Variants in USP15 observed in about 807,000 individuals in gnomAD.
USP15 encodes ubiquitin specific peptidase 15.
In USP15, 18 loss-of-function variants were observed where a neutral mutation model predicts 127.1. The observed-to-expected ratio is 0.14, with a 90% CI of 0.10 to 0.21. The LOEUF (loss-of-function observed/expected upper bound fraction) is 0.21, where lower values mean the gene tolerates loss of function less well. Among genes scored for constraint, USP15 ranks in the 10% least tolerant of loss-of-function variants. The pLI is 1.00. For missense variants in USP15, 805 were observed against 1,159.9 expected, an observed-to-expected ratio of 0.69 and a Z score of 4.44; for synonymous variants, 364 against 393.7, an observed-to-expected ratio of 0.92 and a Z score of 0.89.
At chr12:62,371,528 G>GATAGGGTA (rs2066667493) in intron 8 of USP15, among the ~76,000 whole-genome samples, 1 of 152,170 alleles carries the variant, frequency 6.6e-6, no homozygotes, top group African/African-American at 2.4e-5. Context: ...ATAGCAATTT[G>GATAGGGTA]ATAGGGTAAT....
chr12:62,403,705 T>A (rs1165212919), intron 21 of USP15, among the ~76,000 whole-genome samples: 1 of 151,974 alleles, frequency 6.6e-6, no homozygotes, highest in Admixed American at 6.6e-5. Context: ...AGGTATTTTT[T>A]AATGCCAAAG....
At chr12:62,273,489 C>T (rs891485625) in intron 1 of USP15, among the ~76,000 whole-genome samples, 1 of 152,140 alleles carries the variant, frequency 6.6e-6, no homozygotes, top group Non-Finnish European at 1.5e-5. Context: ...TGCTGAGTAA[C>T]TTTTCTAAGA....
chr12:62,383,150 T>C (rs890964832), intron 9 of USP15, among the ~76,000 whole-genome samples: 3 of 151,920 alleles, frequency 2.0e-5, no homozygotes, highest in Non-Finnish European at 4.4e-5. Context: ...ACAATTTTTA[T>C]TATTCACAGG....
At chr12:62,295,979 C>G (rs975263016) in intron 2 of USP15, among the ~76,000 whole-genome samples, 1 of 151,500 alleles carries the variant, frequency 6.6e-6, no homozygotes, top group African/African-American at 2.4e-5. Context: ...CACACATACC[C>G]TTTAAAAACA....
chr12:62,276,773 T>A (rs888045643), intron 1 of USP15, among the ~76,000 whole-genome samples: 1 of 152,032 alleles, frequency 6.6e-6, no homozygotes, highest in South Asian at 2.1e-4. Context: ...TTAATTAAAA[T>A]CTAATGCAAA....
chr12:62,362,278 G>A lies in USP15; in HGVS notation c.915+6803G>A, dbSNP rs2066342707. Reference sequence around the variant, plus strand: ...CAATTTGCCAGTTTAACCATTTTAAGTGTATAGTAACATTAAGTATATTCA... The same window carrying A: ...CAATTTGCCAGTTTAACCATTTTAAATGTATAGTAACATTAAGTATATTCA... On this transcript the variant is annotated intron_variant, in intron 8 of 21. Transcript: ENST00000280377. 2.6e-5 allele frequency among the ~76,000 whole-genome samples: 4 copies of A among 152,074 alleles called. No homozygotes were observed. The South Asian group carries it at 8.3e-4, about 31-fold the overall frequency.
intron 19 of USP15, 109 bp downstream of exon 19, chr12:62,393,311 T>G: frequency 7.6e-7 from 1 of 1,317,758 alleles, no homozygotes; most frequent in Non-Finnish European, 1.0e-6. Flanking sequence ...GGACCCAATT[T>G]CAGCTTTCAA....
At position 62,401,149 on chromosome 12, in the gene USP15, G is replaced by A. The variant is rs567077492; in HGVS notation, c.2675-38G>A. On this transcript the variant is annotated intron_variant, in intron 20 of 21. Coordinates refer to ENST00000280377, the MANE Select transcript of USP15 (RefSeq NM_001252078.2). ...TTTTGAGGAGTCCCCAGAAAACCAAGATCATTTTCGTCACAGTGATTATAT... is the reference window on the plus strand; with the variant it reads ...TTTTGAGGAGTCCCCAGAAAACCAAAATCATTTTCGTCACAGTGATTATAT... The A allele has an allele frequency of 1.7e-4, 248 of 1,499,646 alleles. 1 individual carries two copies. In the South Asian group the frequency reaches 2.7e-3, roughly 16 times the overall value. The allele number at this position is 1,499,646 out of a possible 1,614,324, so 92.9% of individuals were successfully genotyped here. A position where few individuals can be genotyped will look rare whatever the true frequency, so the allele number is the denominator to read the frequency against.
intron 6 of USP15, among the ~76,000 whole-genome samples, chr12:62,334,518 A>G (rs1056593808): frequency 1.3e-5 from 2 of 152,214 alleles, no homozygotes; most frequent in Non-Finnish European, 2.9e-5. Context: ...GGAAGCATAC[A>G]GTAAATGCTG....
At position 62,349,211 on chromosome 12, in the gene USP15, AT is replaced by A; in HGVS notation, c.684-5del. ...TTTTTATCTAATTTAACATTTTCAT[AT>A]TTTTAAAGGTCCCCAGGTGCATCCA... On this transcript the variant is annotated splice_polypyrimidine_tract_variant and intron_variant, in intron 6 of 21. Coordinates refer to ENST00000280377, the MANE Select transcript of USP15 (RefSeq NM_001252078.2). The A allele has an allele frequency of 7.0e-7, 1 of 1,424,646 alleles. No homozygotes were observed. The highest frequency in any genetic ancestry group is 9.2e-7 in the Non-Finnish European group (1 of 1,084,828). The allele number at this position is 1,424,646 out of a possible 1,614,324, so 88.3% of individuals were successfully genotyped here. A position where few individuals can be genotyped will look rare whatever the true frequency, so the allele number is the denominator to read the frequency against.
chr12:62,408,497 T>C lies in USP15; in HGVS notation c.*4122T>C, dbSNP rs2067947549. ...GAGAAGGAAAGGAAGAGCTCCTTTC[T>C]AGGGCCATAGAATAAGAGTAGAAGT... On this transcript the variant is annotated 3_prime_UTR_variant, in exon 22 of 22. Coordinates refer to ENST00000280377, the MANE Select transcript of USP15 (RefSeq NM_001252078.2). 1.3e-5 allele frequency: 2 copies of C among 152,156 alleles called. No homozygotes were observed. Among genetic ancestry groups the C allele is most frequent in the African/African-American group, 2.4e-5 (1 of 41,436 alleles). The allele number at this position is 152,156 out of a possible 1,614,324, so 9.4% of individuals were successfully genotyped here.
At chr12:62,279,061 T>C (rs930018965) in intron 1 of USP15, 3 of 152,186 alleles carry the variant, frequency 2.0e-5, no homozygotes, top group African/African-American at 7.2e-5. Context: ...TTCTGTACAA[T>C]ATAATATTGT....
At chr12:62,340,426 C>T (rs554082378) in intron 6 of USP15, among the ~76,000 whole-genome samples, 6 of 151,970 alleles carry the variant, frequency 3.9e-5, no homozygotes, top group Non-Finnish European at 7.4e-5. Context: ...TTGTCTTCTG[C>T]TAGCTTTTGA....
intron 6 of USP15, chr12:62,336,158 G>A (rs2065456403): frequency 9.1e-6 from 9 of 985,178 alleles, no homozygotes; most frequent in Non-Finnish European, 1.1e-5. Context: ...TACCATAGTA[G>A]GTGTTCAAAA....
chr12:62,350,740 T>G lies in USP15; in HGVS notation c.770+1433T>G, dbSNP rs763275583. ...CCCAGGCTCAAGTGATCCTCCCACC[T>G]TAGCCTCTTGAGTACTTGGATTACA... On this transcript the variant is annotated intron_variant, in intron 7 of 21. Coordinates refer to ENST00000280377, the MANE Select transcript of USP15 (RefSeq NM_001252078.2). 5.9e-4 allele frequency among the ~76,000 whole-genome samples: 90 copies of G among 152,090 alleles called. 1 individual carries two copies. The highest frequency in any genetic ancestry group is 1.1e-3 in the Non-Finnish European group (74 of 67,992).
chr12:62,287,224 T>G (rs906978947), intron 1 of USP15, among the ~76,000 whole-genome samples: 2 of 152,024 alleles, frequency 1.3e-5, no homozygotes, highest in Non-Finnish European at 1.5e-5. Context: ...GGTACCGTAT[T>G]TGCTACTGGG....
At chr12:62,288,243 C>G (rs967147803) in intron 1 of USP15, among the ~76,000 whole-genome samples, 4 of 151,800 alleles carry the variant, frequency 2.6e-5, no homozygotes, top group African/African-American at 7.3e-5. Flanking sequence ...GGATGTTGTT[C>G]CACTTATTTG....
chr12:62,393,083 A>G lies in USP15; in HGVS notation c.2451A>G (p.Gln817=). 1.9e-6 allele frequency: 3 copies of G among 1,613,816 alleles called. No individual in the cohort carries two copies. Among genetic ancestry groups the G allele is most frequent in the Non-Finnish European group, 2.5e-6 (3 of 1,179,852 alleles). Residue 817 remains glutamine, a synonymous_variant, in exon 19 of 22, where the codon CAA becomes CAG. Coordinates refer to ENST00000280377, the MANE Select transcript of USP15 (RefSeq NM_001252078.2). The stretch of plus-strand genomic sequence containing the variant: ...GTCCGAATTGTAAAGAACATCAGCA[A>G]GCCACAAAGAAATTGGATTTATGGT... ...WYCPNCKEHQ[Q]ATKKLDLWSL... is the part of the protein sequence containing the mutation.
intron 6 of USP15, among the ~76,000 whole-genome samples, chr12:62,343,538 G>A (rs765496844): frequency 3.9e-5 from 6 of 152,174 alleles, no homozygotes; most frequent in Non-Finnish European, 7.3e-5. Flanking sequence ...GGCCCTGGTG[G>A]TGTAGGCACA....
Sources: allele counts gnomAD v4.1 joint callset (sites outside exome capture counted in the v4.1 genomes callset), GRCh38; gene constraint gnomAD v4.1.1; transcripts MANE v1.5; gene names NCBI Gene and HGNC (gene_info 2026-07-23, HGNC 2026-07-21).